The following RNF6 variants were observed in gnomAD, a reference collection of about 807,000 sequenced individuals.
RNF6 encodes E3 ubiquitin-protein ligase RNF6.
RNF6 carries 21 observed loss-of-function variants against 50.1 expected under a neutral mutation model. The ratio of observed to expected loss-of-function variants is 0.42; its 90% CI spans 0.30 to 0.60. The LOEUF is 0.60. Ranked by LOEUF, RNF6 falls within the 20% of genes least tolerant of loss-of-function variation. The probability of loss-of-function intolerance (pLI) is 0.20; values close to 1 mark genes in which losing one functional copy is unlikely to be tolerated. For synonymous variants in RNF6, 255 were observed against 291.8 expected, an observed-to-expected ratio of 0.87 and a Z score of 1.29; for missense variants, 698 against 838.2, an observed-to-expected ratio of 0.83 and a Z score of 2.07.
chr13:26,210,802 T>C (rs9581591), downstream of RNF6, among the ~76,000 whole-genome samples: 34,837 of 152,088 alleles, frequency 0.23, 4,220 homozygotes, highest in East Asian at 0.4. Context: ...TATGAATTCA[T>C]GTTAAATATT....
chr13:26,208,106 A>G (rs4770958), downstream of RNF6, among the ~76,000 whole-genome samples: 66,023 of 152,100 alleles, frequency 0.43, 15,322 homozygotes, highest in Middle Eastern at 0.53. Flanking sequence ...GTGTGTGCAG[A>G]AAAGAATTTA....
intron 4 of RNF6, among the ~76,000 whole-genome samples, chr13:26,215,968 A>G (rs1475589494): frequency 3.0e-4 from 45 of 152,224 alleles, no homozygotes; most frequent in Admixed American, 2.9e-3. Context: ...AAATACAAAG[A>G]CAAACTTTAT....
chr13:26,147,964 G>T (rs1426954183), intron 5 of RNF6, among the ~76,000 whole-genome samples: 1 of 152,140 alleles, frequency 6.6e-6, no homozygotes, highest in Non-Finnish European at 1.5e-5. Context: ...GTGATATATA[G>T]TGTATTAGTC....
chr13:26,209,526 T>C (rs1170348211), downstream of RNF6, among the ~76,000 whole-genome samples: 1 of 152,232 alleles, frequency 6.6e-6, no homozygotes, highest in Non-Finnish European at 1.5e-5. Flanking sequence ...TATCCCATAA[T>C]CTGCAGAATG....
chr13:26,197,287 A>C (rs1487566302), intron 5 of RNF6, among the ~76,000 whole-genome samples: 1 of 151,958 alleles, frequency 6.6e-6, no homozygotes, highest in Non-Finnish European at 1.5e-5. Flanking sequence ...CCTTTCCTAG[A>C]GTATTTACCT....
rs756812625 is a variant in RNF6, at chr13:26,219,652, T to C, written c.-3A>G. On this transcript the variant is annotated 5_prime_UTR_variant, in exon 3 of 5. Transcript: ENST00000381588. ...GATCTCGATCTAGACTGATTCATCC[T>C]GAGATTCCTGGCTTTCTGTTCAAAC... 1 of 1,611,984 alleles carries C rather than the reference T, an allele frequency of 6.2e-7. No individual in the cohort carries two copies. Among genetic ancestry groups the C allele is most frequent in the African/African-American group, 1.3e-5 (1 of 74,988 alleles).
chr13:26,165,163 A>G (rs1215890986), intron 5 of RNF6, among the ~76,000 whole-genome samples: 1 of 152,164 alleles, frequency 6.6e-6, no homozygotes, highest in Non-Finnish European at 1.5e-5. Flanking sequence ...CATGGCTGAA[A>G]GGGGCCAACG....
intron 5 of RNF6, among the ~76,000 whole-genome samples, chr13:26,181,070 C>T (rs1873212958): frequency 6.6e-6 from 1 of 152,220 alleles, no homozygotes; most frequent in African/African-American, 2.4e-5. Context: ...TTAACCTAGA[C>T]CTTCCTCCAT....
chr13:26,138,934 G>A (rs1366306283), intron 5 of RNF6, among the ~76,000 whole-genome samples: 1 of 151,972 alleles, frequency 6.6e-6, no homozygotes, highest in Non-Finnish European at 1.5e-5. Context: ...TGGTCAGACG[G>A]GTATCCTCAA....
Position 26,218,530 on chromosome 13 carries a change from T to G in RNF6, c.270A>C (p.Arg90Ser), listed in dbSNP as rs953861152. The change falls in exon 4 of 5, where the codon AGA becomes AGC. Residue 90 changes from arginine to serine, a missense_variant. Arg to Ser is a moderately radical substitution (Grantham distance 110, BLOSUM62 -1). Coordinates refer to ENST00000381588, the MANE Select transcript of RNF6 (RefSeq NM_005977.4). ...TAGTACCTCTGTAATTCGTTCCATC[T>G]CTCAAGTCAGGCTGAGATGCTAGTT... is the stretch of plus-strand genomic sequence containing the variant. ...KEQLASQPDL[R>S]DGTNYRDSEV... 2.5e-6 allele frequency: 4 copies of G among 1,613,680 alleles called. No individual in the cohort carries two copies. In the Admixed American group the frequency reaches 5.0e-5, roughly 20 times the overall value.
At chr13:26,185,625 T>C (rs1873481032) in intron 5 of RNF6, among the ~76,000 whole-genome samples, 1 of 152,022 alleles carries the variant, frequency 6.6e-6, no homozygotes, top group Admixed American at 6.5e-5. Context: ...AGGCGCCTGT[T>C]ATCACAGCTA....
intron 5 of RNF6, among the ~76,000 whole-genome samples, chr13:26,153,844 G>C (rs1442095406): frequency 1.3e-5 from 2 of 152,058 alleles, no homozygotes; most frequent in African/African-American, 4.8e-5. Flanking sequence ...ATGAACTGCG[G>C]GCCAGAGCAT....
At chr13:26,169,608 C>T (rs1305806114) in intron 5 of RNF6, among the ~76,000 whole-genome samples, 1 of 152,128 alleles carries the variant, frequency 6.6e-6, no homozygotes. Flanking sequence ...GAGTCTCTTG[C>T]CGGCCTTAAG....
At chr13:26,142,632 A>C (rs1209805950) in intron 5 of RNF6, among the ~76,000 whole-genome samples, 1 of 150,912 alleles carries the variant, frequency 6.6e-6, no homozygotes, top group Non-Finnish European at 1.5e-5. Flanking sequence ...CAGAAAACCT[A>C]ATATCACATG....
intron 5 of RNF6, among the ~76,000 whole-genome samples, chr13:26,187,580 C>G (rs1007409971): frequency 1.3e-5 from 2 of 152,286 alleles, no homozygotes; most frequent in African/African-American, 4.8e-5. Flanking sequence ...GTTCTGGAAG[C>G]TTATTGGGTG....
intron 5 of RNF6, among the ~76,000 whole-genome samples, chr13:26,149,891 TATAC>T (rs10606579): frequency 0.032 from 2,565 of 79,772 alleles, 412 homozygotes; most frequent in African/African-American, 0.091. Context: ...TATATATATA[TATAC>T]ACACACACAG....
Position 26,214,078 on chromosome 13 carries a change from G to C in RNF6, c.1804C>G (p.Arg602Gly), listed in dbSNP as rs752050943. Residue 602 changes from arginine to glycine, a missense_variant, in exon 5 of 5, where the codon CGA becomes GGA. Physicochemically the swap from Arg to Gly is moderately radical, Grantham distance 125. Coordinates refer to ENST00000381588, the MANE Select transcript of RNF6 (RefSeq NM_005977.4). ...FLLNESDDDDRIRGLTKEQID... is the reference protein window; with the variant it reads ...FLLNESDDDDGIRGLTKEQID... ...TGCTCTTTGGTTAAACCACGTATTC[G>C]ATCATCATCATCACTTTCATTTAGT... 1.2e-6 allele frequency: 2 copies of C among 1,613,962 alleles called. No homozygotes were observed. Among genetic ancestry groups the C allele is most frequent in the Non-Finnish European group, 1.7e-6 (2 of 1,180,032 alleles).
At chr13:26,155,241 C>G (rs1431582723) in intron 5 of RNF6, among the ~76,000 whole-genome samples, 1 of 152,138 alleles carries the variant, frequency 6.6e-6, no homozygotes, top group Non-Finnish European at 1.5e-5. Context: ...TGCACCCCAG[C>G]CTGGGTGGCA....
chr13:26,172,744 T>C (rs139302917), intron 5 of RNF6, among the ~76,000 whole-genome samples: 1,788 of 152,174 alleles, frequency 0.012, 24 homozygotes, highest in African/African-American at 0.039. Context: ...AAGGTTTCAC[T>C]ATGTTAGCCA....
Sources: allele counts gnomAD v4.1 joint callset (sites outside exome capture counted in the v4.1 genomes callset), GRCh38; gene constraint gnomAD v4.1.1; transcripts MANE v1.5; gene names NCBI Gene and HGNC (gene_info 2026-07-23, HGNC 2026-07-21).